Variants in DHX57 observed in about 807,000 individuals in gnomAD.
The protein encoded by DHX57 is putative ATP-dependent RNA helicase DHX57.
In DHX57, 105 loss-of-function variants were observed where a neutral mutation model predicts 156.2. The ratio of observed to expected loss-of-function variants is 0.67; its 90% CI spans 0.57 to 0.79. DHX57 has a LOEUF of 0.79. Ranked by LOEUF, DHX57 falls within the 30% of genes least tolerant of loss-of-function variation. The pLI, the probability that DHX57 is intolerant of heterozygous loss-of-function variation, is 0.00. For missense variants in DHX57, 1,847 were observed against 1,661.9 expected (o/e 1.11, Z -1.94); for synonymous variants, 704 against 595.6 (o/e 1.18, Z -2.65).
At chr2:38,815,797 G>A (rs1378521848) in intron 19 of DHX57, 142 bp from the exon 20 acceptor site, 49 of 1,011,938 alleles carry the variant, frequency 4.8e-5, no homozygotes, top group Non-Finnish European at 2.4e-5. Flanking sequence ...GGTATGAAGA[G>A]GATCTTGTCT....
intron 9 of DHX57, among the ~76,000 whole-genome samples, chr2:38,848,711 A>G (rs1170605686): frequency 3.9e-5 from 6 of 152,202 alleles, no homozygotes; most frequent in Admixed American, 3.9e-4. Flanking sequence ...AAATCAATTT[A>G]TGTTTCATAT....
intron 2 of DHX57, 86 bp downstream of exon 2, chr2:38,868,094 CTT>C: frequency 2.6e-6 from 4 of 1,512,576 alleles, no homozygotes; most frequent in Non-Finnish European, 3.6e-6. Flanking sequence ...AATTACTCGA[CTT>C]TTTTTCCATT....
chr2:38,872,082 C>T (rs1665383457), intron 1 of DHX57, among the ~76,000 whole-genome samples: 1 of 152,202 alleles, frequency 6.6e-6, no homozygotes, highest in African/African-American at 2.4e-5. Context: ...GCTCTGCCCT[C>T]ATGATCGAAT....
At chr2:38,855,980 G>C (rs962041937) in intron 7 of DHX57, among the ~76,000 whole-genome samples, 1 of 152,094 alleles carries the variant, frequency 6.6e-6, no homozygotes, top group Non-Finnish European at 1.5e-5. Flanking sequence ...CACCACAGTG[G>C]TGCGCCTGTC....
intron 8 of DHX57, chr2:38,854,447 T>C (rs1672774549): frequency 4.3e-6 from 1 of 230,658 alleles, no homozygotes; most frequent in Non-Finnish European, 8.5e-6. Flanking sequence ...CCTTATTTGG[T>C]TAAATGGATT....
At chr2:38,813,521 C>T (rs1274476680) in intron 21 of DHX57, among the ~76,000 whole-genome samples, 1 of 151,886 alleles carries the variant, frequency 6.6e-6, no homozygotes, top group African/African-American at 2.4e-5. Context: ...CAGGTGCCCG[C>T]CACCATGCCT....
intron 17 of DHX57, among the ~76,000 whole-genome samples, chr2:38,820,655 C>A (rs1670763682): frequency 6.6e-6 from 1 of 151,948 alleles, no homozygotes; most frequent in African/African-American, 2.4e-5. Context: ...AACTCACTAC[C>A]ACTGGACCAG....
chr2:38,837,699 A>G, intron 13 of DHX57, 132 bp downstream of exon 13: 1 of 559,524 alleles, frequency 1.8e-6, no homozygotes, highest in East Asian at 3.0e-5. Flanking sequence ...CAAAGCCTGT[A>G]TTCTTAACCC....
At chr2:38,857,867 C>A (rs1411708009) in intron 6 of DHX57, among the ~76,000 whole-genome samples, 1 of 152,104 alleles carries the variant, frequency 6.6e-6, no homozygotes, top group Non-Finnish European at 1.5e-5. Flanking sequence ...TTATCCTTCT[C>A]CTTTTATATA....
At chr2:38,841,620 G>A (rs752201170) in intron 12 of DHX57, among the ~76,000 whole-genome samples, 9 of 152,176 alleles carry the variant, frequency 5.9e-5, no homozygotes, top group Non-Finnish European at 1.0e-4. Flanking sequence ...AAGCAGTAAC[G>A]GGTTGGAAGC....
intron 23 of DHX57, among the ~76,000 whole-genome samples, chr2:38,800,510 A>T (rs1669632970): frequency 6.6e-6 from 1 of 152,156 alleles, no homozygotes; most frequent in Non-Finnish European, 1.5e-5. Flanking sequence ...ACTGTATGGG[A>T]AACATACAGT....
At chr2:38,837,758 A>C in intron 13 of DHX57, 73 bp downstream of exon 13, 2 of 897,530 alleles carry the variant, frequency 2.2e-6, no homozygotes, top group Non-Finnish European at 3.7e-6. Flanking sequence ...TCAAGCACTC[A>C]TGAATAGACT....
intron 20 of DHX57, among the ~76,000 whole-genome samples, chr2:38,814,744 C>G (rs917150802): frequency 2.0e-5 from 3 of 150,040 alleles, no homozygotes; most frequent in African/African-American, 7.3e-5. Flanking sequence ...TTTTTTGAGA[C>G]AGAGTTTCGC....
At position 38,802,821 on chromosome 2, in the gene DHX57, G is replaced by A. The variant is rs150583206; in HGVS notation, c.3911C>T (p.Pro1304Leu). 8.1e-6 allele frequency: 13 copies of A among 1,613,974 alleles called. No individual in the cohort carries two copies. Among genetic ancestry groups the A allele is most frequent in the South Asian group, 1.1e-5 (1 of 91,080 alleles). ...TTGGCCTCCTCCAAACAAGACCAGC[G>A]GGTACACAGACACCATGCTGCAGTC... is the stretch of plus-strand genomic sequence containing the variant. ...IRDCSMVSVYPLVLFGGGQVN... is the reference protein window; with the variant it reads ...IRDCSMVSVYLLVLFGGGQVN... The change falls in exon 23 of 24, where the codon CCG becomes CTG. Residue 1304 changes from proline (P) to leucine (L), a missense_variant. Coordinates refer to ENST00000457308, the MANE Select transcript of DHX57 (RefSeq NM_198963.3).
In DHX57 at chr2:38,826,601, T is replaced by C. The variant is rs770583366; in HGVS notation, c.2728A>G (p.Ile910Val). Residue 910 changes from isoleucine (I) to valine (V), a missense_variant, in exon 15 of 24, where the codon ATA becomes GTA. By Grantham distance (29) the Ile-to-Val change is conservative. Coordinates refer to ENST00000457308, the MANE Select transcript of DHX57 (RefSeq NM_198963.3). ...GTCTCAGCAATGTTGGTGGAAATTA[T>C]AATCTTAGTTACTCCTGCAGGAGGT... is the stretch of plus-strand genomic sequence containing the variant. ...VKPPAGVTKI[I>V]ISTNIAETSI... The C allele has an allele frequency of 2.4e-5, 38 of 1,614,178 alleles. No individual in the cohort carries two copies. The highest frequency in any genetic ancestry group is 3.2e-5 in the Non-Finnish European group (38 of 1,180,020).
intron 13 of DHX57, among the ~76,000 whole-genome samples, chr2:38,834,062 G>GC (rs770819308): frequency 3.9e-5 from 6 of 152,140 alleles, no homozygotes; most frequent in Non-Finnish European, 7.4e-5. Flanking sequence ...GGGCATGGTG[G>GC]CTCATGCCTG....
chr2:38,829,642 C>T (rs933009332), intron 13 of DHX57, among the ~76,000 whole-genome samples: 14 of 152,134 alleles, frequency 9.2e-5, no homozygotes, highest in African/African-American at 2.7e-4. Context: ...TGGTCTTGAA[C>T]TCTTGAGCCC....
chr2:38,861,172 G>C lies in DHX57; in HGVS notation c.1238C>G (p.Thr413Ser), dbSNP rs777687322. ...TSEPVVYSLI[T>S]LLEEESEIVK... ...TATTTCCGACTCTTCCTCTAAAAGGGTTATCAAAGAATATACGACAGGTTC... is the reference window on the plus strand; with the variant it reads ...TATTTCCGACTCTTCCTCTAAAAGGCTTATCAAAGAATATACGACAGGTTC... Residue 413 changes from threonine (T) to serine (S), a missense_variant, in exon 5 of 24, where the codon ACC becomes AGC. Thr to Ser is a moderately conservative substitution (Grantham distance 58, BLOSUM62 1). Coordinates refer to ENST00000457308, the MANE Select transcript of DHX57 (RefSeq NM_198963.3). The C allele has an allele frequency of 6.2e-7, 1 of 1,614,018 alleles. No individual in the cohort carries two copies.
intron 13 of DHX57, among the ~76,000 whole-genome samples, chr2:38,836,426 C>G (rs759151773): frequency 1.3e-5 from 2 of 152,072 alleles, no homozygotes; most frequent in African/African-American, 2.4e-5. Flanking sequence ...ATTTTCTCTT[C>G]CTTATGACTT....
Sources: allele counts gnomAD v4.1 joint callset (sites outside exome capture counted in the v4.1 genomes callset), GRCh38; gene constraint gnomAD v4.1.1; transcripts MANE v1.5; gene names NCBI Gene and HGNC (gene_info 2026-07-23, HGNC 2026-07-21).